Variants in LPAR1 observed in about 807,000 individuals in gnomAD.
The protein encoded by LPAR1 is LPA receptor 1.
A neutral mutation model predicts 23.8 loss-of-function variants in LPAR1; 5 were observed. The ratio of observed to expected loss-of-function variants is 0.21; its 90% CI spans 0.11 to 0.44. LPAR1 has a LOEUF of 0.44. LPAR1 is among the 20% of genes least tolerant of loss of function. The pLI, the probability that LPAR1 is intolerant of heterozygous loss-of-function variation, is 0.99. For missense variants in LPAR1, 311 were observed against 482.8 expected (o/e 0.64, Z 3.33); for synonymous variants, 160 against 164.7 (o/e 0.97, Z 0.22).
chr9:111,018,031 C>A (rs2097490186), intron 2 of LPAR1, among the ~76,000 whole-genome samples: 1 of 151,694 alleles, frequency 6.6e-6, no homozygotes, highest in Non-Finnish European at 1.5e-5. Context: ...AAAAACAAAA[C>A]AAACAAACAA....
chr9:110,981,949 G>A (rs905046397), intron 2 of LPAR1, among the ~76,000 whole-genome samples: 5 of 152,148 alleles, frequency 3.3e-5, no homozygotes, highest in African/African-American at 1.2e-4. Flanking sequence ...ATTTAGAATG[G>A]CGAGCATTAA....
chr9:110,966,751 G>C (rs2096241419), intron 4 of LPAR1, among the ~76,000 whole-genome samples: 1 of 152,098 alleles, frequency 6.6e-6, no homozygotes, highest in Non-Finnish European at 1.5e-5. Flanking sequence ...GGAATCACAG[G>C]TGTGAGACCT....
At chr9:111,038,604 C>A (rs756981005), upstream of LPAR1, 28 of 455,246 alleles carry the variant, frequency 6.2e-5, no homozygotes, top group Non-Finnish European at 1.1e-4. This position sits in a 1 kb window ranked among gnomAD's most constrained non-coding sequence, Gnocchi z 4.4. Context: ...TCAGCAACAC[C>A]CGAACCCCCA....
chr9:110,941,230 T>C lies in LPAR1; in HGVS notation c.793+191A>G, dbSNP rs1418748524. ...TGCACCACTGGGACCCATGTTTCCC[T>C]AACGCTAATTCTATAATTTTAGGAA... On this transcript the variant is annotated intron_variant, in intron 5 of 5. Transcript: ENST00000683809. This position sits in a 1 kb window ranked among gnomAD's most constrained non-coding sequence, Gnocchi z 6.1. Among the ~76,000 whole-genome samples, 1 of 152,184 alleles carries C rather than the reference T, an allele frequency of 6.6e-6. No individual in the cohort carries two copies. Among genetic ancestry groups the C allele is most frequent in the African/African-American group, 2.4e-5 (1 of 41,444 alleles).
intron 5 of LPAR1, among the ~76,000 whole-genome samples, chr9:110,881,533 T>C (rs889859261): frequency 6.6e-6 from 1 of 152,142 alleles, no homozygotes; most frequent in African/African-American, 2.4e-5. Flanking sequence ...ATTGCGCACG[T>C]ACAAGTTCCA....
At chr9:110,974,899 G>A (rs3758283) in intron 2 of LPAR1, among the ~76,000 whole-genome samples, 1 of 152,044 alleles carries the variant, frequency 6.6e-6, no homozygotes, top group East Asian at 1.9e-4. Flanking sequence ...CTTATTCCTG[G>A]CACTATTTTT....
chr9:110,999,109 C>T (rs1476737279), intron 2 of LPAR1, among the ~76,000 whole-genome samples: 1 of 152,132 alleles, frequency 6.6e-6, no homozygotes, highest in Non-Finnish European at 1.5e-5. Flanking sequence ...TAATATATCC[C>T]GCACATGGTC....
intron 5 of LPAR1, among the ~76,000 whole-genome samples, chr9:110,936,630 A>G (rs2094725530): frequency 6.6e-6 from 1 of 152,220 alleles, no homozygotes; most frequent in Admixed American, 6.5e-5. Flanking sequence ...AATGTAAGAC[A>G]TAAGGAGTAA....
At chr9:110,997,781 T>C (rs2097047156) in intron 2 of LPAR1, among the ~76,000 whole-genome samples, 1 of 152,182 alleles carries the variant, frequency 6.6e-6, no homozygotes, top group African/African-American at 2.4e-5. Flanking sequence ...TGATCTAATA[T>C]GATATAAGGT....
chr9:110,927,631 T>A (rs943313825), intron 5 of LPAR1, among the ~76,000 whole-genome samples: 4 of 152,102 alleles, frequency 2.6e-5, no homozygotes, highest in Non-Finnish European at 5.9e-5. Context: ...TTATTACATA[T>A]TAGAATAAAT....
intron 5 of LPAR1, among the ~76,000 whole-genome samples, chr9:110,901,992 T>C (rs2089287961): frequency 6.6e-6 from 1 of 151,922 alleles, no homozygotes; most frequent in African/African-American, 2.4e-5. Context: ...CAGCTAAGTA[T>C]AAATATAAAC....
At chr9:110,897,450 C>G (rs147120998) in intron 5 of LPAR1, among the ~76,000 whole-genome samples, 1 of 152,190 alleles carries the variant, frequency 6.6e-6, no homozygotes, top group Admixed American at 6.5e-5. Flanking sequence ...TGCTCAGTCT[C>G]GGGTATGTCT....
chr9:111,010,299 GT>G (rs1394688819), intron 2 of LPAR1, among the ~76,000 whole-genome samples: 23 of 152,162 alleles, frequency 1.5e-4, no homozygotes, highest in African/African-American at 5.5e-4. Flanking sequence ...AATGTTAACA[GT>G]GGCTGTTCCT....
intron 5 of LPAR1, among the ~76,000 whole-genome samples, chr9:110,940,939 G>C (rs552532969): frequency 6.6e-6 from 1 of 152,230 alleles, no homozygotes; most frequent in East Asian, 1.9e-4. Context: ...GTTTTGTTCA[G>C]TAAATCTATA....
intron 4 of LPAR1, among the ~76,000 whole-genome samples, chr9:110,963,220 T>C (rs746857079): frequency 6.6e-6 from 1 of 152,254 alleles, no homozygotes; most frequent in African/African-American, 2.4e-5. Context: ...TTTCATCTTA[T>C]GAATAGAAAA....
intron 5 of LPAR1, among the ~76,000 whole-genome samples, chr9:110,878,928 G>A (rs1424624693): frequency 6.6e-6 from 1 of 152,176 alleles, no homozygotes; most frequent in Non-Finnish European, 1.5e-5. Context: ...AGAGGGAATA[G>A]AGAGACAACA....
intron 5 of LPAR1, among the ~76,000 whole-genome samples, chr9:110,883,498 G>C (rs2081433681): frequency 6.6e-6 from 1 of 151,982 alleles, no homozygotes; most frequent in Non-Finnish European, 1.5e-5. Context: ...TTTATCAAAA[G>C]GAAGGAAAAG....
At chr9:110,981,579 A>C (rs2096667473) in intron 2 of LPAR1, among the ~76,000 whole-genome samples, 1 of 118,618 alleles carries the variant, frequency 8.4e-6, no homozygotes, top group South Asian at 2.7e-4. Context: ...TTTGATTTTA[A>C]AATTTTTTAA....
rs748658239 is a variant in LPAR1, at chr9:110,972,141, T to A, written c.-24A>T. ...ATGACAGCTCTGTGGTTGTAGGTGG[T>A]GAACACGCCCCAGAACTACGGGAGA... On this transcript the variant is annotated 5_prime_UTR_variant, in exon 4 of 6. Transcript: ENST00000683809. 1 of 1,612,132 alleles carries A rather than the reference T, an allele frequency of 6.2e-7. No individual in the cohort carries two copies. Among genetic ancestry groups the A allele is most frequent in the Admixed American group, 1.7e-5 (1 of 60,002 alleles).
Sources: gnomAD v4.1 joint callset for allele counts (sites outside exome capture counted in the v4.1 genomes callset) on GRCh38, gnomAD v4.1.1 for gene constraint, Gnocchi (gnomAD v3.1) non-coding constraint, MANE v1.5 for transcripts, NCBI Gene and HGNC (gene_info 2026-07-23, HGNC 2026-07-21) for gene names.